The following PSG2 variants were observed in gnomAD, a reference collection of about 807,000 sequenced individuals.
PSG2 encodes pregnancy-specific beta-1-glycoprotein 2.
Under a neutral mutation model 36.2 loss-of-function variants are expected in PSG2, and 49 were observed. The ratio of observed to expected loss-of-function variants is 1.35; its 90% CI spans 1.08 to 1.72. The LOEUF (loss-of-function observed/expected upper bound fraction) is 1.72, where lower values mean the gene tolerates loss of function less well. Among genes scored for constraint, PSG2 ranks in the 40% most tolerant of loss-of-function variants. PSG2 has a pLI of 0.00. For synonymous variants in PSG2, 261 were observed against 155.6 expected, an observed-to-expected ratio of 1.68 and a Z score of -5.04; for missense variants, 605 against 407.2, an observed-to-expected ratio of 1.49 and a Z score of -4.18.
intron 4 of PSG2, among the ~76,000 whole-genome samples, chr19:43,071,401 T>C (rs1260609616): frequency 6.6e-6 from 1 of 151,536 alleles, no homozygotes; most frequent in African/African-American, 2.4e-5. Flanking sequence ...AGCAACTTGA[T>C]CTTGAGGACA....
At chr19:43,071,298 T>C (rs1293685295) in intron 4 of PSG2, among the ~76,000 whole-genome samples, 1 of 151,334 alleles carries the variant, frequency 6.6e-6, no homozygotes, top group Non-Finnish European at 1.5e-5. Context: ...AAGTGTGAGC[T>C]TGTTTCAAAG....
intron 4 of PSG2, among the ~76,000 whole-genome samples, chr19:43,071,200 T>A (rs76690543): frequency 0.056 from 8,497 of 151,592 alleles, 688 homozygotes; most frequent in East Asian, 0.35. Flanking sequence ...ACAGGGCCAG[T>A]CACCAGAGGA....
intron 4 of PSG2, among the ~76,000 whole-genome samples, chr19:43,069,743 CA>C (rs1967790466): frequency 6.6e-6 from 1 of 151,604 alleles, no homozygotes. Context: ...AAAAACTGTA[CA>C]ACTCTTAGAA....
intron 3 of PSG2, chr19:43,072,512 T>C: frequency 1.2e-6 from 2 of 1,611,218 alleles, no homozygotes; most frequent in Non-Finnish European, 8.5e-7. Flanking sequence ...GCTCTGACCA[T>C]TTAGCCACCA....
chr19:43,074,152 T>C (rs1271097149), intron 3 of PSG2, among the ~76,000 whole-genome samples: 1 of 151,672 alleles, frequency 6.6e-6, no homozygotes, highest in East Asian at 1.9e-4. Context: ...TGCATCTTTT[T>C]CACAGTGTTT....
chr19:43,075,837 C>A (rs1337628486), intron 2 of PSG2, among the ~76,000 whole-genome samples: 1 of 151,540 alleles, frequency 6.6e-6, no homozygotes, highest in African/African-American at 2.4e-5. Context: ...GGGAGAAGCA[C>A]AGACTTTCTC....
intron 3 of PSG2, chr19:43,072,316 G>C (rs986687933): frequency 2.5e-6 from 4 of 1,609,148 alleles, no homozygotes; most frequent in Non-Finnish European, 3.4e-6. Flanking sequence ...TTGGATTTAA[G>C]CTGGTGGCCT....
Position 43,071,949 on chromosome 19 carries a change from G to A in PSG2, c.715C>T (p.Pro239Ser). The A allele has an allele frequency of 1.9e-6, 3 of 1,612,314 alleles. No individual in the cohort carries two copies. The highest frequency in any genetic ancestry group is 2.5e-6 in the Non-Finnish European group (3 of 1,179,168). Residue 239 changes from proline to serine, a missense_variant, in exon 4 of 6, where the codon CCA (proline) becomes TCA (serine). By Grantham distance (74) the Pro-to-Ser change is moderately conservative (BLOSUM62 -1). Transcript: ENST00000406487. The part of the protein sequence containing the change: ...DPVTLNLLHG[P>S]DLPRIHPSYT... ...GAAGGGTGAATTCTGGGGAGGTCTG[G>A]ACCATCTGGAGCAAAGAGAATAAAG...
At chr19:43,081,895 C>T (rs948618806) in intron 1 of PSG2, 4 of 154,010 alleles carry the variant, frequency 2.6e-5, no homozygotes, top group African/African-American at 9.8e-5. Context: ...GTTTCACGTC[C>T]TGCTTATATT....
Position 43,071,670 on chromosome 19 carries a change from C to G in PSG2, c.964+30G>C, listed in dbSNP as rs761844899. The G allele has an allele frequency of 1.9e-6, 3 of 1,612,682 alleles. No individual in the cohort carries two copies. The South Asian group carries it at 3.3e-5, about 18-fold the overall frequency. Reference sequence around the variant, plus strand: ...AGCCAGATAGACTCCACCTAAAACCCTACTGCCAAGGATGCTGGGATCCAC... The same window carrying G: ...AGCCAGATAGACTCCACCTAAAACCGTACTGCCAAGGATGCTGGGATCCAC... On this transcript the variant is annotated intron_variant, in intron 4 of 5. Coordinates refer to ENST00000406487, the MANE Select transcript of PSG2 (RefSeq NM_031246.4).
In PSG2 at chr19:43,074,131, C is replaced by A. The variant is rs988245084; in HGVS notation, c.709+1223G>T. Among the ~76,000 whole-genome samples, 18 of 151,584 alleles carry A rather than the reference C, an allele frequency of 1.2e-4. 1 individual carries two copies. Among genetic ancestry groups the A allele is most frequent in the African/African-American group, 4.4e-4 (18 of 41,016 alleles). On this transcript the variant is annotated intron_variant, in intron 3 of 5. Transcript: ENST00000406487. ...TTTCTGTGTCATCAGAACTTTCCAC[C>A]TTTTCATGGTTGCATCTTTTTCACA...
In PSG2 at chr19:43,070,835, A is replaced by G. The variant is rs192514866; in HGVS notation, c.964+865T>C. On this transcript the variant is annotated intron_variant, in intron 4 of 5. Transcript: ENST00000406487. ...TAGCTAATGGTAAGCCTTATATTAG[A>G]TATATATAAAGTGTCTGGTAGTCTT... is the stretch of plus-strand genomic sequence containing the variant. Among the ~76,000 whole-genome samples, 618 of 151,740 alleles carry G rather than the reference A, an allele frequency of 4.1e-3. 5 individuals are homozygous for G. The highest frequency in any genetic ancestry group is 6.6e-3 in the Admixed American group (100 of 15,236).
rs747945173 is a variant in PSG2, at chr19:43,071,850, A to G, written c.814T>C (p.Ser272Pro). Reference sequence around the variant, plus strand: ...TGAAACTTCCCATTAATTGTCCAAGAATACTGTGCCGGTGGGTTAGAGTTC... The same window carrying G: ...TGAAACTTCCCATTAATTGTCCAAGGATACTGTGCCGGTGGGTTAGAGTTC... Reference protein sequence around the residue: ...FANSNPPAQYSWTINGKFQQS... With the variant: ...FANSNPPAQYPWTINGKFQQS... The change falls in exon 4 of 6, where the codon TCT (serine) becomes CCT (proline). Residue 272 changes from serine to proline, a missense_variant. Coordinates refer to ENST00000406487, the MANE Select transcript of PSG2 (RefSeq NM_031246.4). 28 of 1,613,068 alleles carry G rather than the reference A, an allele frequency of 1.7e-5. 1 individual carries two copies. In the African/African-American group the frequency reaches 3.2e-4, roughly 19 times the overall value.
chr19:43,077,348 A>G (rs1273432010), intron 2 of PSG2, among the ~76,000 whole-genome samples: 1 of 151,780 alleles, frequency 6.6e-6, no homozygotes, highest in African/African-American at 2.4e-5. Context: ...GCCAAATTAA[A>G]AGAAGTGATG....
At chr19:43,067,758 C>T (rs990114034) in intron 4 of PSG2, among the ~76,000 whole-genome samples, 1 of 151,284 alleles carries the variant, frequency 6.6e-6, no homozygotes, top group South Asian at 2.1e-4. Flanking sequence ...GTTTCATTGA[C>T]TGCATTAAAT....
At chr19:43,070,439 A>T (rs1967799741) in intron 4 of PSG2, among the ~76,000 whole-genome samples, 1 of 151,750 alleles carries the variant, frequency 6.6e-6, no homozygotes, top group Non-Finnish European at 1.5e-5. Context: ...AAAAATGGAA[A>T]CAACCAAAAA....
At position 43,074,303 on chromosome 19, in the gene PSG2, A is replaced by T. The variant is rs369173700; in HGVS notation, c.709+1051T>A. On this transcript the variant is annotated intron_variant, in intron 3 of 5. Transcript: ENST00000406487. The stretch of plus-strand genomic sequence containing the variant: ...CTTTGGGTAGTATTGTCTTTCTAAC[A>T]ATATTGAGTCTTCCAATCCATGAAA... Among the ~76,000 whole-genome samples, 34 of 151,798 alleles carry T rather than the reference A, an allele frequency of 2.2e-4. No homozygotes were observed. The South Asian group carries it at 7.1e-3, about 32-fold the overall frequency.
In PSG2 at chr19:43,075,685, A is replaced by G. The variant is rs1044913703; in HGVS notation, c.431-53T>C. The G allele has an allele frequency of 5.7e-6, 9 of 1,568,588 alleles. 1 individual carries two copies. Among genetic ancestry groups the G allele is most frequent in the Middle Eastern group, 1.9e-4 (1 of 5,350 alleles). ...CCTGTGTGGCACCTTTGATTCCTCC[A>G]AAGGCATTTTTCAATCAGAGTTGGC... On this transcript the variant is annotated intron_variant, in intron 2 of 5. Coordinates refer to ENST00000406487, the MANE Select transcript of PSG2 (RefSeq NM_031246.4).
chr19:43,067,663 T>C (rs1967758466), intron 4 of PSG2, among the ~76,000 whole-genome samples: 1 of 151,328 alleles, frequency 6.6e-6, no homozygotes, highest in Non-Finnish European at 1.5e-5. Flanking sequence ...ATCTGAGATT[T>C]CATTCTAGGA....
Sources: gnomAD v4.1 joint callset for allele counts (sites outside exome capture counted in the v4.1 genomes callset) on GRCh38, gnomAD v4.1.1 for gene constraint, MANE v1.5 for transcripts, NCBI Gene and HGNC (gene_info 2026-07-23, HGNC 2026-07-21) for gene names.